The following ANKRD23 variants were observed in gnomAD, a reference collection of about 807,000 sequenced individuals.
ANKRD23 encodes ankyrin repeat domain-containing protein 23.
In ANKRD23, 52 loss-of-function variants were observed where a neutral mutation model predicts 38.1. The ratio of observed to expected loss-of-function variants is 1.36; its 90% CI spans 1.09 to 1.72. ANKRD23 has a LOEUF of 1.72. ANKRD23 is among the 40% of genes most tolerant of loss of function. ANKRD23 has a pLI of 0.00. For missense variants in ANKRD23, 416 were observed against 400.2 expected (o/e 1.04, Z -0.34); for synonymous variants, 167 against 162.9 (o/e 1.03, Z -0.19).
At chr2:96,842,746 C>T (rs949556629) in intron 1 of ANKRD23, among the ~76,000 whole-genome samples, 1 of 152,342 alleles carries the variant, frequency 6.6e-6, no homozygotes, top group South Asian at 2.1e-4. Flanking sequence ...GACAACGGAT[C>T]CCCGCCTACC....
Position 96,840,396 on chromosome 2 carries a change from G to A in ANKRD23, c.525+20C>T. The A allele has an allele frequency of 1.2e-6, 2 of 1,613,514 alleles. No individual in the cohort carries two copies. The highest frequency in any genetic ancestry group is 1.7e-6 in the Non-Finnish European group (2 of 1,179,768). On this transcript the variant is annotated intron_variant, in intron 5 of 8. Transcript: ENST00000318357. ...TGAAGCTGGGCGTCGACCAGAGGCT[G>A]GGCCTTTCCCCATCCTCACCAAGTC...
chr2:96,841,999 C>A, intron 3 of ANKRD23, 61 bp downstream of exon 3: 1 of 1,609,846 alleles, frequency 6.2e-7, no homozygotes, highest in Non-Finnish European at 8.5e-7. Context: ...CTGCCCCAAG[C>A]CCTTCCTCTG....
rs545759917 is a variant in ANKRD23, at chr2:96,839,410, C to T, written c.*139G>A. The stretch of plus-strand genomic sequence containing the variant: ...GGCCCGGTGCCGCTCTTCAGTTCTG[C>T]CAGGGCTGCTGAGGCGGCACAGGCC... On this transcript the variant is annotated 3_prime_UTR_variant, in exon 9 of 9. Coordinates refer to ENST00000318357, the MANE Select transcript of ANKRD23 (RefSeq NM_144994.8). 3.9e-6 allele frequency: 5 copies of T among 1,289,554 alleles called. No individual in the cohort carries two copies. In the East Asian group the frequency reaches 1.5e-4, roughly 39 times the overall value. 79.9% of individuals were successfully genotyped at this position (1,289,554 alleles called of 1,614,324 possible).
At chr2:96,840,122 G>A in intron 6 of ANKRD23, 27 bp from the exon 7 acceptor site, 1 of 1,549,390 alleles carries the variant, frequency 6.5e-7, no homozygotes. Context: ...GTCAGTGCTG[G>A]GTCTGGATTG....
chr2:96,843,519 C>T (rs2079783071), intron 1 of ANKRD23, among the ~76,000 whole-genome samples: 1 of 152,212 alleles, frequency 6.6e-6, no homozygotes, highest in African/African-American at 2.4e-5. Flanking sequence ...ACACTTGCAT[C>T]TTCCAAAGTA....
rs770644867 is a variant in ANKRD23, at chr2:96,839,138, G to GGAGA, written c.*407_*410dup. ...GTCCCCACACACACAGACTGGCCCT[G>GGAGA]GAGAGAGCAAGGCAAGCCCCCTAAC... On this transcript the variant is annotated 3_prime_UTR_variant, in exon 9 of 9. Coordinates refer to ENST00000318357, the MANE Select transcript of ANKRD23 (RefSeq NM_144994.8). 22 of 1,001,234 alleles carry GGAGA rather than the reference G, an allele frequency of 2.2e-5. No homozygotes were observed. Among genetic ancestry groups the GGAGA allele is most frequent in the Non-Finnish European group, 2.6e-5 (22 of 841,062 alleles). 62.0% of individuals were successfully genotyped at this position (1,001,234 alleles called of 1,614,324 possible). A position where few individuals can be genotyped will look rare whatever the true frequency, so the allele number is the denominator to read the frequency against.
chr2:96,839,495 G>A lies in ANKRD23; in HGVS notation c.*54C>T, dbSNP rs1287647303. The A allele has an allele frequency of 7.1e-7, 1 of 1,404,886 alleles. No individual in the cohort carries two copies. The highest frequency in any genetic ancestry group is 2.7e-5 in the East Asian group (1 of 36,976). 87.0% of individuals were successfully genotyped at this position (1,404,886 alleles called of 1,614,324 possible). On this transcript the variant is annotated 3_prime_UTR_variant, in exon 9 of 9. Transcript: ENST00000318357. Reference sequence around the variant, plus strand: ...ACAGAGGTGCAGACGCGGGGGCGGGGCACAGGATGGAATGGTGGCAGTGCG... The same window carrying A: ...ACAGAGGTGCAGACGCGGGGGCGGGACACAGGATGGAATGGTGGCAGTGCG...
chr2:96,838,938 C>G lies in ANKRD23; in HGVS notation c.*611G>C. 1.0e-6 allele frequency: 1 copy of G among 985,556 alleles called. No homozygotes were observed. The highest frequency in any genetic ancestry group is 1.2e-6 in the Non-Finnish European group (1 of 830,028). 61.1% of individuals were successfully genotyped at this position (985,556 alleles called of 1,614,324 possible). On this transcript the variant is annotated 3_prime_UTR_variant, in exon 9 of 9. Coordinates refer to ENST00000318357, the MANE Select transcript of ANKRD23 (RefSeq NM_144994.8). ...AACCCACCTCCAGAGTTCCTATGACCAAAGTTGTCTAGAGCCGCTCCGGAC... is the reference window on the plus strand; with the variant it reads ...AACCCACCTCCAGAGTTCCTATGACGAAAGTTGTCTAGAGCCGCTCCGGAC...
chr2:96,840,382 G>C lies in ANKRD23; in HGVS notation c.525+34C>G. 5.0e-6 allele frequency: 8 copies of C among 1,611,986 alleles called. No individual in the cohort carries two copies. The South Asian group carries it at 8.8e-5, about 18-fold the overall frequency. ...CAGCTGCTGGGATGTGAAGCTGGGCGTCGACCAGAGGCTGGGCCTTTCCCC... is the reference window on the plus strand; with the variant it reads ...CAGCTGCTGGGATGTGAAGCTGGGCCTCGACCAGAGGCTGGGCCTTTCCCC... On this transcript the variant is annotated intron_variant, in intron 5 of 8. Transcript: ENST00000318357.
intron 3 of ANKRD23, among the ~76,000 whole-genome samples, chr2:96,841,492 G>T (rs1281700975): frequency 6.6e-6 from 1 of 151,490 alleles, no homozygotes; most frequent in Non-Finnish European, 1.5e-5. Flanking sequence ...CCAGCTACTC[G>T]GGAGGCTGAG....
rs761940682 is a variant in ANKRD23 at position 96,840,789 on chromosome 2, T to C, written c.424A>G (p.Lys142Glu). The C allele has an allele frequency of 6.2e-7, 1 of 1,614,144 alleles. No individual in the cohort carries two copies. The highest frequency in any genetic ancestry group is 2.2e-5 in the East Asian group (1 of 44,876). The change falls in exon 4 of 9, where the codon AAG (lysine) becomes GAG (glutamate). Residue 142 changes from lysine to glutamate, a missense_variant and splice_region_variant. By Grantham distance (56) the Lys-to-Glu change is moderately conservative. Coordinates refer to ENST00000318357, the MANE Select transcript of ANKRD23 (RefSeq NM_144994.8). ...CCGACTCACCCAACCTGTGCTACCTTGTCATGGGCATTGGGGTCCCCTCCG... is the reference window on the plus strand; with the variant it reads ...CCGACTCACCCAACCTGTGCTACCTCGTCATGGGCATTGGGGTCCCCTCCG... ...TDGGDPNAHD[K>E]LHRTALHWAC...
chr2:96,840,009 GT>G lies in ANKRD23; in HGVS notation c.710del (p.Asn237ThrfsTer23). The G allele has an allele frequency of 6.4e-7, 1 of 1,556,538 alleles. No homozygotes were observed. Among genetic ancestry groups the G allele is most frequent in the Non-Finnish European group, 8.7e-7 (1 of 1,149,436 alleles). The stretch of plus-strand genomic sequence containing the variant: ...GCGCCTGCCTTACCTTATCCTGTGC[GT>G]TCAGGTGGGCGCCACACTCGATGAG... ...EHLIECGAHLNAQDKEGDTAL... is the reference protein window; with the variant it reads ...EHLIECGAHLXAQDKEGDTAL... On this transcript the variant is annotated frameshift_variant, in exon 7 of 9. Transcript: ENST00000318357. LOFTEE classifies it high-confidence loss of function.
rs753658719 is a variant in ANKRD23 at position 96,839,625 on chromosome 2, T to C, written c.842A>G (p.Gln281Arg). ...GCCGCGCTGCCAGTCTCGAGCCAGCTGCACCGGGGTCACGGAGGCCTGGGA... is the reference window on the plus strand; with the variant it reads ...GCCGCGCTGCCAGTCTCGAGCCAGCCGCACCGGGGTCACGGAGGCCTGGGA... Reference protein sequence around the residue: ...VRNAASVTPVQLARDWQRGIR... With the variant: ...VRNAASVTPVRLARDWQRGIR... The change falls in exon 9 of 9, where the codon CAG becomes CGG. Residue 281 changes from glutamine to arginine, a missense_variant. By Grantham distance (43) the Gln-to-Arg change is conservative. Transcript: ENST00000318357. The C allele has an allele frequency of 4.0e-6, 6 of 1,505,402 alleles. No homozygotes were observed. Among genetic ancestry groups the C allele is most frequent in the South Asian group, 2.6e-5 (2 of 76,136 alleles). 93.3% of individuals were successfully genotyped at this position (1,505,402 alleles called of 1,614,324 possible).
At chr2:96,842,564 A>G (rs2079773848) in intron 1 of ANKRD23, 53 bp from the exon 2 acceptor site, 1 of 1,569,148 alleles carries the variant, frequency 6.4e-7, no homozygotes, top group Non-Finnish European at 8.6e-7. Flanking sequence ...GAACCCTTAG[A>G]AAACAGAGCT....
At position 96,842,508 on chromosome 2, in the gene ANKRD23, T is replaced by A; in HGVS notation, c.31A>T (p.Ser11Cys). 6.2e-7 allele frequency: 1 copy of A among 1,613,090 alleles called. No homozygotes were observed. The highest frequency in any genetic ancestry group is 1.1e-5 in the South Asian group (1 of 90,950). Residue 11 changes from serine (S) to cysteine (C), a missense_variant, in exon 2 of 9, where the codon AGT becomes TGT. Coordinates refer to ENST00000318357, the MANE Select transcript of ANKRD23 (RefSeq NM_144994.8). The part of the protein sequence containing the change: MDFISIQQLV[S>C]GERVEGKVLG... ...ACTTTCCCTTCAACTCTTTCTCCAC[T>A]TACCTGTAGGAACAGGATATGAGTA...
In ANKRD23 at chr2:96,839,788, C is replaced by T; in HGVS notation, c.761G>A (p.Gly254Asp). ...CAGTAGCTTCATGGCTTTGTAGCTG[C>T]CGTGCCGCACGGCCTCGTGCAGAGC... ...DTALHEAVRHGSYKAMKLLLL... is the reference protein window; with the variant it reads ...DTALHEAVRHDSYKAMKLLLL... Residue 254 changes from glycine to aspartate, a missense_variant, in exon 8 of 9, where the codon GGC becomes GAC. Transcript: ENST00000318357. The T allele has an allele frequency of 6.2e-7, 1 of 1,613,392 alleles. No individual in the cohort carries two copies. Among genetic ancestry groups the T allele is most frequent in the South Asian group, 1.1e-5 (1 of 91,044 alleles).
rs930028464 is a variant in ANKRD23, at chr2:96,840,605, G to A, written c.427-91C>T. 93 of 1,529,710 alleles carry A rather than the reference G, an allele frequency of 6.1e-5. No homozygotes were observed. The Middle Eastern group carries it at 1.2e-3, about 19-fold the overall frequency. 94.8% of individuals were successfully genotyped at this position (1,529,710 alleles called of 1,614,324 possible). On this transcript the variant is annotated intron_variant, in intron 4 of 8. Coordinates refer to ENST00000318357, the MANE Select transcript of ANKRD23 (RefSeq NM_144994.8). ...CCTTCCCAGGGCCAGGTCCCTGAAT[G>A]GAATTGCCACTTCCCCCACCACGCG...
chr2:96,839,946 C>T, intron 7 of ANKRD23, 51 bp downstream of exon 7: 1 of 1,550,288 alleles, frequency 6.5e-7, no homozygotes, highest in South Asian at 1.2e-5. Context: ...CTCCTCAGTC[C>T]CTGCTCCTCT....
chr2:96,838,979 A>T lies in ANKRD23; in HGVS notation c.*570T>A, dbSNP rs541022803. ...CGCTCCGGACACTGCCAGGGTTGCT[A>T]CTGACAGGAATGGGGTCCCCAGAGA... On this transcript the variant is annotated 3_prime_UTR_variant, in exon 9 of 9. Transcript: ENST00000318357. 1.1e-4 allele frequency: 104 copies of T among 985,736 alleles called. 1 individual carries two copies. In the South Asian group the frequency reaches 4.6e-3, roughly 44 times the overall value. 61.1% of individuals were successfully genotyped at this position (985,736 alleles called of 1,614,324 possible). A position where few individuals can be genotyped will look rare whatever the true frequency, so the allele number is the denominator to read the frequency against.
Sources: gnomAD v4.1 joint callset for allele counts (sites outside exome capture counted in the v4.1 genomes callset) on GRCh38, gnomAD v4.1.1 for gene constraint, MANE v1.5 for transcripts, NCBI Gene and HGNC (gene_info 2026-07-23, HGNC 2026-07-21) for gene names.